CEP63: variants seen among roughly 807,000 people sequenced by gnomAD.
CEP63 encodes the protein centrosomal protein 63.
Under a neutral mutation model 89.1 loss-of-function variants are expected in CEP63, and 84 were observed. That is an observed-to-expected ratio of 0.94 (90% confidence interval 0.79 to 1.13). The LOEUF is 1.13. CEP63 is among the 50% of genes most tolerant of loss of function. The pLI, the probability that CEP63 is intolerant of heterozygous loss-of-function variation, is 0.00. For synonymous variants in CEP63, 267 were observed against 272.5 expected, an observed-to-expected ratio of 0.98 and a Z score of 0.20; for missense variants, 838 against 813.3, an observed-to-expected ratio of 1.03 and a Z score of -0.37.
chr3:134,672,217 T>G, the CEP63 span, among the ~76,000 whole-genome samples: 3 of 152,220 alleles, frequency 2.0e-5, no homozygotes, highest in African/African-American at 7.2e-5. Flanking sequence ...GAGTTTTTTC[T>G]TGCAGCTAAA....
chr3:134,694,485 T>C, the CEP63 span, among the ~76,000 whole-genome samples: 2 of 152,232 alleles, frequency 1.3e-5, no homozygotes, highest in Admixed American at 6.5e-5. Flanking sequence ...CTCTTCTTCA[T>C]TCCAGCATCA....
the CEP63 span, among the ~76,000 whole-genome samples, chr3:134,702,246 T>A: frequency 6.6e-6 from 1 of 152,166 alleles, no homozygotes; most frequent in African/African-American, 2.4e-5. Context: ...CATTCCATGC[T>A]CATTGATGGG....
At chr3:134,772,765 C>A in the CEP63 span, among the ~76,000 whole-genome samples, 2 of 152,148 alleles carry the variant, frequency 1.3e-5, no homozygotes, top group Non-Finnish European at 2.9e-5. Flanking sequence ...AGCCTGCAAG[C>A]TTTTCCTTAT....
At chr3:134,662,621 T>C in the CEP63 span, among the ~76,000 whole-genome samples, 18 of 152,304 alleles carry the variant, frequency 1.2e-4, no homozygotes, top group Non-Finnish European at 2.5e-4. Flanking sequence ...AAGGCAGCTA[T>C]TCAGCATGAA....
At chr3:134,610,930 C>T in the CEP63 span, among the ~76,000 whole-genome samples, 1 of 152,172 alleles carries the variant, frequency 6.6e-6, no homozygotes, top group Non-Finnish European at 1.5e-5. Context: ...AAGCCCTACC[C>T]CCCTGCTATT....
In CEP63 at chr3:134,526,149, C is replaced by T. The variant is rs140099347; in HGVS notation, c.223-5696C>T. On this transcript the variant is annotated intron_variant, in intron 3 of 14. Coordinates refer to ENST00000675561, the MANE Select transcript of CEP63 (RefSeq NM_001353108.3). ...TCATTCCTTTTCATTCTTTTTTTCT[C>T]TATTCTTGCCTGTCTTATTTCAGAG... Among the ~76,000 whole-genome samples the T allele has an allele frequency of 4.1e-3, 621 of 152,144 alleles. 3 individuals are homozygous for T. Among genetic ancestry groups the T allele is most frequent in the African/African-American group, 0.014 (594 of 41,526 alleles).
chr3:134,696,967 T>C, the CEP63 span, among the ~76,000 whole-genome samples: 4 of 152,252 alleles, frequency 2.6e-5, no homozygotes, highest in African/African-American at 7.2e-5. Flanking sequence ...AGTCAGATCA[T>C]GGAAGTAAAA....
chr3:134,558,495 A>G, intron 13 of CEP63, 148 bp downstream of exon 13: 1 of 681,526 alleles, frequency 1.5e-6, no homozygotes, highest in Non-Finnish European at 2.5e-6. Context: ...AAGTAAAGCT[A>G]TGATCATGTT....
downstream of CEP63, among the ~76,000 whole-genome samples, chr3:134,589,802 G>A (rs1284338116): frequency 2.0e-5 from 3 of 152,154 alleles, no homozygotes; most frequent in African/African-American, 4.8e-5. Context: ...GCATGCGTAT[G>A]TTCATTATAG....
the CEP63 span, among the ~76,000 whole-genome samples, chr3:134,747,157 C>T: frequency 6.6e-6 from 1 of 152,250 alleles, no homozygotes; most frequent in South Asian, 2.1e-4. Context: ...CCAGTTTTCC[C>T]AGCACCAGTT....
At chr3:134,754,037 T>C in the CEP63 span, among the ~76,000 whole-genome samples, 1 of 152,222 alleles carries the variant, frequency 6.6e-6, no homozygotes, top group Non-Finnish European at 1.5e-5. Flanking sequence ...ATGTACAATG[T>C]CCCTTTATAC....
At chr3:134,576,829 A>G (rs1958224457), downstream of CEP63, among the ~76,000 whole-genome samples, 1 of 151,146 alleles carries the variant, frequency 6.6e-6, no homozygotes, top group Non-Finnish European at 1.5e-5. Flanking sequence ...TGACTTGGAG[A>G]GCCAGCCCAT....
intron 3 of CEP63, among the ~76,000 whole-genome samples, chr3:134,516,354 A>G (rs1559917686): frequency 1.3e-5 from 2 of 152,216 alleles, no homozygotes; most frequent in Non-Finnish European, 2.9e-5. Flanking sequence ...GATGGAACAT[A>G]CAATCGGGTT....
chr3:134,492,853 A>G (rs1455925322), intron 1 of CEP63, among the ~76,000 whole-genome samples: 5 of 152,146 alleles, frequency 3.3e-5, no homozygotes, highest in South Asian at 2.1e-4. Flanking sequence ...TGAATCCAGG[A>G]CTATAATTTT....
the CEP63 span, among the ~76,000 whole-genome samples, chr3:134,696,657 C>A: frequency 1.3e-5 from 2 of 152,124 alleles, no homozygotes; most frequent in African/African-American, 2.4e-5. Context: ...GAACTGTTCA[C>A]CTTTAAGGGT....
intron 12 of CEP63, chr3:134,553,294 C>CT (rs985701853): frequency 6.6e-5 from 10 of 151,978 alleles, no homozygotes; most frequent in African/African-American, 2.4e-4. Context: ...TGTAATCTTT[C>CT]AGAAGGGTAA....
chr3:134,766,725 G>A, the CEP63 span, among the ~76,000 whole-genome samples: 2 of 152,206 alleles, frequency 1.3e-5, no homozygotes, highest in Non-Finnish European at 1.5e-5. Context: ...ACATGTAAGC[G>A]GAGGGTGCTG....
the CEP63 span, chr3:134,608,410 T>C: frequency 1.3e-6 from 2 of 1,481,516 alleles, no homozygotes; most frequent in African/African-American, 1.4e-5. Flanking sequence ...GGGTTTATGC[T>C]AGTGTGAGTG....
At chr3:134,612,141 C>T in the CEP63 span, among the ~76,000 whole-genome samples, 12 of 152,310 alleles carry the variant, frequency 7.9e-5, no homozygotes, top group South Asian at 4.1e-4. Context: ...TTCTAGCCCC[C>T]GCCCTTTTGC....
Sources: gnomAD v4.1 joint callset for allele counts (sites outside exome capture counted in the v4.1 genomes callset) on GRCh38, gnomAD v4.1.1 for gene constraint, MANE v1.5 for transcripts, NCBI Gene and HGNC (gene_info 2026-07-23, HGNC 2026-07-21) for gene names.